MED24: variants seen among roughly 807,000 people sequenced by gnomAD.
The protein encoded by MED24 is mediator complex subunit 24.
In MED24, 74 loss-of-function variants were observed where a neutral mutation model predicts 118.8. The ratio of observed to expected loss-of-function variants is 0.62; its 90% CI spans 0.52 to 0.76. The LOEUF (loss-of-function observed/expected upper bound fraction) is 0.76. Among genes scored for constraint, MED24 ranks in the 30% least tolerant of loss-of-function variants. The pLI is 0.00. For missense variants in MED24, 1,041 were observed against 1,278.9 expected (o/e 0.81, Z 2.84); for synonymous variants, 521 against 523.9 (o/e 0.99, Z 0.08).
rs9891598 is a variant in MED24, at chr17:40,022,540, G to A, written c.2433-56C>T. The A allele has an allele frequency of 4.0e-3, 6,330 of 1,594,366 alleles. 216 individuals carry two copies. The African/African-American group carries it at 0.072, about 18-fold the overall frequency. ...GTGAGAGGTGCCCCAGGAGCTTTCTGTGTCTGACTGGGCTCCCCAAAGCCC... is the reference window on the plus strand; with the variant it reads ...GTGAGAGGTGCCCCAGGAGCTTTCTATGTCTGACTGGGCTCCCCAAAGCCC... On this transcript the variant is annotated intron_variant, in intron 21 of 25. Coordinates refer to ENST00000394128, the MANE Select transcript of MED24 (RefSeq NM_014815.4).
intron 1 of MED24, chr17:40,053,918 G>A: frequency 1.8e-6 from 1 of 563,824 alleles, no homozygotes; most frequent in South Asian, 2.1e-5. Flanking sequence ...ATCACCGGAG[G>A]TCAGGAGTTC....
intron 19 of MED24, 35 bp downstream of exon 19, chr17:40,026,121 T>C (rs748158716): frequency 2.6e-5 from 42 of 1,593,736 alleles, no homozygotes; most frequent in Non-Finnish European, 3.2e-5. Flanking sequence ...CACAACACAC[T>C]TGAAGGGTCT....
rs760438881 is a variant in MED24 at position 40,035,353 on chromosome 17, C to A, written c.327-4G>T. On this transcript the variant is annotated splice_polypyrimidine_tract_variant and splice_region_variant and intron_variant, in intron 5 of 25. Coordinates refer to ENST00000394128, the MANE Select transcript of MED24 (RefSeq NM_014815.4). ...TTCCTCTGCTTTGCCGTGACAGCTACAGGGAAGGATGCAAAATCAGACTCT... is the reference window on the plus strand; with the variant it reads ...TTCCTCTGCTTTGCCGTGACAGCTAAAGGGAAGGATGCAAAATCAGACTCT... 5.1e-6 allele frequency: 8 copies of A among 1,573,054 alleles called. No individual in the cohort carries two copies. Among genetic ancestry groups the A allele is most frequent in the Non-Finnish European group, 6.9e-6 (8 of 1,155,938 alleles).
chr17:40,026,515 T>A, intron 18 of MED24, 132 bp downstream of exon 18: 1 of 1,139,404 alleles, frequency 8.8e-7, no homozygotes, highest in Admixed American at 2.2e-5. Context: ...AAGACAACGA[T>A]TACACAAAAT....
chr17:40,026,172 GCAGGGTGTTCTCACTAAA>G lies in MED24; in HGVS notation c.1951_1968del (p.Phe651_Leu656del), dbSNP rs1386605045. The G allele has an allele frequency of 5.0e-6, 8 of 1,613,902 alleles. No homozygotes were observed. Among genetic ancestry groups the G allele is most frequent in the Non-Finnish European group, 6.8e-6 (8 of 1,179,868 alleles). ...GTTACCGACCTCTCATTGTAGAACTGCAGGGTGTTCTCACTAAACAGTGGCCCTGCCAGCTGGCGGATC... is the reference window on the plus strand; with the variant it reads ...GTTACCGACCTCTCATTGTAGAACTGCAGTGGCCCTGCCAGCTGGCGGATC... On this transcript the variant is annotated inframe_deletion, in exon 19 of 26. Coordinates refer to ENST00000394128, the MANE Select transcript of MED24 (RefSeq NM_014815.4).
intron 19 of MED24, among the ~76,000 whole-genome samples, chr17:40,024,979 A>G (rs1019572823): frequency 1.3e-5 from 2 of 151,844 alleles, no homozygotes; most frequent in Non-Finnish European, 2.9e-5. Context: ...CAAGTGAGCC[A>G]CTCACCTCAG....
chr17:40,053,699 G>A (rs1310557689), intron 1 of MED24, 64 bp from the exon 2 acceptor site: 4 of 1,589,798 alleles, frequency 2.5e-6, no homozygotes, highest in Non-Finnish European at 3.4e-6. Context: ...ACCGGGGAAG[G>A]CAGAATTAAA....
intron 16 of MED24, 66 bp from the exon 17 acceptor site, chr17:40,027,100 G>A (rs998420625): frequency 7.1e-6 from 11 of 1,559,790 alleles, no homozygotes; most frequent in African/African-American, 1.4e-5. Flanking sequence ...CGCTGGACCT[G>A]GGGCTGCACT....
At chr17:40,028,714 C>G in intron 14 of MED24, 112 bp downstream of exon 14, 2 of 1,445,006 alleles carry the variant, frequency 1.4e-6, no homozygotes, top group Non-Finnish European at 1.9e-6. Flanking sequence ...TGCCTAGGCC[C>G]GTGGGTCTCT....
In MED24 at chr17:40,033,519, T is replaced by C. The variant is rs1283623954; in HGVS notation, c.560-63A>G. The C allele has an allele frequency of 9.3e-6, 13 of 1,404,656 alleles. No homozygotes were observed. In the African/African-American group the frequency reaches 1.0e-4, roughly 11 times the overall value. 87.0% of individuals were successfully genotyped at this position (1,404,656 alleles called of 1,614,324 possible). ...ACAGGAGAGAAGGAGCACCTGGCCC[T>C]GAACTCCTCGATTTTGGCACTCCCT... is the stretch of plus-strand genomic sequence containing the variant. On this transcript the variant is annotated intron_variant, in intron 6 of 25. Coordinates refer to ENST00000394128, the MANE Select transcript of MED24 (RefSeq NM_014815.4). The surrounding 1 kb of genome is among the most constrained non-coding windows in gnomAD (Gnocchi z 5.2).
At chr17:40,047,449 CAGG>C (rs1402015120) in intron 3 of MED24, among the ~76,000 whole-genome samples, 1 of 151,736 alleles carries the variant, frequency 6.6e-6, no homozygotes, top group Non-Finnish European at 1.5e-5. Flanking sequence ...ATCACGAGGT[CAGG>C]AGTTCGAGAC....
chr17:40,027,898 G>A lies in MED24; in HGVS notation c.1447+11C>T, dbSNP rs368019566. On this transcript the variant is annotated intron_variant, in intron 15 of 25. Coordinates refer to ENST00000394128, the MANE Select transcript of MED24 (RefSeq NM_014815.4). ...GCCCACTGGGCCTGCGGATGCACAG[G>A]GCTGACTTACTGCTTTCTTCGCTGC... 10 of 1,612,838 alleles carry A rather than the reference G, an allele frequency of 6.2e-6. No homozygotes were observed. Among genetic ancestry groups the A allele is most frequent in the Non-Finnish European group, 8.5e-6 (10 of 1,179,782 alleles).
At position 40,033,522 on chromosome 17, in the gene MED24, ACTC is replaced by A; in HGVS notation, c.560-69_560-67del. ...GGAGAGAAGGAGCACCTGGCCCTGA[ACTC>A]CTCGATTTTGGCACTCCCTCCGGCA... On this transcript the variant is annotated intron_variant, in intron 6 of 25. Transcript: ENST00000394128. This position sits in a 1 kb window ranked among gnomAD's most constrained non-coding sequence, Gnocchi z 5.2. 2.6e-5 allele frequency: 36 copies of A among 1,391,952 alleles called. No individual in the cohort carries two copies. The South Asian group carries it at 4.1e-4, about 16-fold the overall frequency. The allele number at this position is 1,391,952 out of a possible 1,614,324, so 86.2% of individuals were successfully genotyped here. A position where few individuals can be genotyped will look rare whatever the true frequency, so the allele number is the denominator to read the frequency against.
At chr17:40,045,096 G>A (rs898597228) in intron 3 of MED24, among the ~76,000 whole-genome samples, 8 of 152,088 alleles carry the variant, frequency 5.3e-5, no homozygotes, top group African/African-American at 1.9e-4. Context: ...TAGGTATAAG[G>A]ATATTCAGTG....
intron 3 of MED24, among the ~76,000 whole-genome samples, chr17:40,036,504 C>T (rs57873211): frequency 0.021 from 3,141 of 152,140 alleles, 125 homozygotes; most frequent in African/African-American, 0.071. Context: ...TCCCGCCCAA[C>T]ATGGTGAAAC....
chr17:40,036,582 G>A (rs561944051), intron 3 of MED24, among the ~76,000 whole-genome samples: 53 of 151,910 alleles, frequency 3.5e-4, no homozygotes, highest in Middle Eastern at 3.4e-3. Flanking sequence ...CAGCTACTCA[G>A]GAGGCTGAGG....
intron 3 of MED24, among the ~76,000 whole-genome samples, chr17:40,037,117 G>A (rs1273635098): frequency 2.0e-5 from 3 of 152,052 alleles, no homozygotes; most frequent in Non-Finnish European, 2.9e-5. Context: ...GGAGACGGAT[G>A]TTGCAGTGAG....
At chr17:40,032,449 G>A in intron 9 of MED24, 200 bp downstream of exon 9, 1 of 581,922 alleles carries the variant, frequency 1.7e-6, no homozygotes. Flanking sequence ...TCTGTGGTAA[G>A]AAACAACGGA....
At chr17:40,041,898 A>G (rs574188114) in intron 3 of MED24, among the ~76,000 whole-genome samples, 2 of 152,316 alleles carry the variant, frequency 1.3e-5, no homozygotes, top group South Asian at 4.1e-4. Flanking sequence ...TGCAAGTCCA[A>G]TTTGGCTCAT....
Sources: allele counts gnomAD v4.1 joint callset (sites outside exome capture counted in the v4.1 genomes callset), GRCh38; gene constraint gnomAD v4.1.1; non-coding constraint Gnocchi (gnomAD v3.1); transcripts MANE v1.5; gene names NCBI Gene and HGNC (gene_info 2026-07-23, HGNC 2026-07-21).